The following EML5 variants were observed in gnomAD, a reference collection of about 807,000 sequenced individuals.
The protein encoded by EML5 is echinoderm microtubule-associated protein-like 5.
In EML5, 120 loss-of-function variants were observed where a neutral mutation model predicts 250.0. The ratio of observed to expected loss-of-function variants is 0.48; its 90% CI spans 0.41 to 0.56. The LOEUF (loss-of-function observed/expected upper bound fraction) is 0.56. Ranked by LOEUF, EML5 falls within the 20% of genes least tolerant of loss-of-function variation. The probability of loss-of-function intolerance (pLI) is 0.00; values close to 1 mark genes in which losing one functional copy is unlikely to be tolerated. For missense variants in EML5, 2,006 were observed against 2,437.6 expected, an observed-to-expected ratio of 0.82 and a Z score of 3.73; for synonymous variants, 771 against 806.5, an observed-to-expected ratio of 0.96 and a Z score of 0.75.
chr14:88,744,408 G>A (rs1048841953), intron 3 of EML5, among the ~76,000 whole-genome samples: 2 of 151,958 alleles, frequency 1.3e-5, no homozygotes, highest in Non-Finnish European at 1.5e-5. Flanking sequence ...GACACGAAGG[G>A]AGGTGCTTGC....
intron 34 of EML5, 146 bp from the exon 35 acceptor site, chr14:88,627,192 G>A (rs2090045841): frequency 2.9e-6 from 2 of 700,478 alleles, no homozygotes; most frequent in African/African-American, 3.6e-5. Flanking sequence ...AGCAATACAT[G>A]ATTTACAATT....
At chr14:88,706,210 T>C (rs747689603) in intron 11 of EML5, 49 bp downstream of exon 11, 2 of 1,490,998 alleles carry the variant, frequency 1.3e-6, no homozygotes, top group Admixed American at 2.4e-5. Context: ...TGGGGGTTAC[T>C]GAAGAATTAT....
At chr14:88,754,393 T>G in intron 2 of EML5, 119 bp downstream of exon 2, 1 of 949,850 alleles carries the variant, frequency 1.1e-6, no homozygotes, top group East Asian at 3.0e-5. Flanking sequence ...CCTACCCACC[T>G]CCACCTTTGG....
intron 8 of EML5, among the ~76,000 whole-genome samples, chr14:88,722,220 T>C (rs2093601646): frequency 6.6e-6 from 1 of 152,176 alleles, no homozygotes; most frequent in Admixed American, 6.5e-5. Context: ...TCCTCAAAGA[T>C]CTAGAACCAG....
intron 21 of EML5, among the ~76,000 whole-genome samples, chr14:88,667,120 C>T (rs1321870741): frequency 2.0e-5 from 3 of 152,056 alleles, no homozygotes; most frequent in Non-Finnish European, 4.4e-5. Flanking sequence ...GGAGGAACCA[C>T]CAGTGCTTAG....
rs2094623618 is a variant in EML5 at position 88,792,792 on chromosome 14, C to T, written c.-289G>A. On this transcript the variant is annotated 5_prime_UTR_variant, in exon 1 of 44. Transcript: ENST00000554922. This position sits in a 1 kb window ranked among gnomAD's most constrained non-coding sequence, Gnocchi z 6.9. The stretch of plus-strand genomic sequence containing the variant: ...CTCGGCTCGCCTAGTCTCCTCAGCC[C>T]GTAGCGCCTGGGCCGAGAGCGAGGG... 6.0e-6 allele frequency: 6 copies of T among 1,002,234 alleles called. No individual in the cohort carries two copies. The South Asian group carries it at 1.4e-4, about 24-fold the overall frequency. 62.1% of individuals were successfully genotyped at this position (1,002,234 alleles called of 1,614,324 possible). A position where few individuals can be genotyped will look rare whatever the true frequency, so the allele number is the denominator to read the frequency against.
chr14:88,662,339 GTTTTTTTTTTTTTTTTTT>G (rs71127000), intron 24 of EML5, among the ~76,000 whole-genome samples: 1,924 of 55,746 alleles, frequency 0.035, 93 homozygotes, highest in African/African-American at 0.12. Flanking sequence ...AATTTTTCTT[GTTTTTTTTTTTTTTTTTT>G]TTTTTTTTTA....
intron 1 of EML5, among the ~76,000 whole-genome samples, chr14:88,769,086 C>A (rs948148601): frequency 6.6e-6 from 1 of 152,210 alleles, no homozygotes; most frequent in Non-Finnish European, 1.5e-5. Context: ...AATATAGGAA[C>A]TGATATATAG....
intron 4 of EML5, among the ~76,000 whole-genome samples, chr14:88,741,501 A>C (rs1276308041): frequency 6.6e-6 from 1 of 152,194 alleles, no homozygotes; most frequent in Non-Finnish European, 1.5e-5. Context: ...TATTAGGTGG[A>C]ATTAGGTAAA....
rs777988179 is a variant in EML5, at chr14:88,646,934, AAG to A, written c.4028+11_4028+12del. On this transcript the variant is annotated intron_variant, in intron 29 of 43. Transcript: ENST00000554922. Reference sequence around the variant, plus strand: ...AAAGTTAGGCTTTGTAAACACAGCAAAGAGAGGATTACCTGGAACCTCTTTTC... The same window carrying A: ...AAAGTTAGGCTTTGTAAACACAGCAAAGAGGATTACCTGGAACCTCTTTTC... 7.5e-6 allele frequency: 12 copies of A among 1,592,070 alleles called. No homozygotes were observed. Among genetic ancestry groups the A allele is most frequent in the African/African-American group, 1.3e-5 (1 of 74,422 alleles).
At chr14:88,708,692 A>C (rs1456472164) in intron 10 of EML5, among the ~76,000 whole-genome samples, 1 of 152,158 alleles carries the variant, frequency 6.6e-6, no homozygotes, top group Non-Finnish European at 1.5e-5. Flanking sequence ...TCAAAAGACT[A>C]GTGCTTGAGC....
At chr14:88,652,494 T>C (rs1444432487) in intron 27 of EML5, among the ~76,000 whole-genome samples, 1 of 152,184 alleles carries the variant, frequency 6.6e-6, no homozygotes, top group Non-Finnish European at 1.5e-5. Flanking sequence ...AGCTTTCCTG[T>C]AGTCATTTCT....
intron 2 of EML5, among the ~76,000 whole-genome samples, chr14:88,747,888 A>C (rs914209671): frequency 2.0e-5 from 3 of 149,538 alleles, no homozygotes; most frequent in Non-Finnish European, 4.5e-5. Flanking sequence ...ACCCTCCCCG[A>C]CCCACCCCTG....
rs2093092158 is a variant in EML5 at position 88,696,879 on chromosome 14, TGGTGGCCCTTTAATATG to T, written c.2295_2311del (p.Ile766ProfsTer5). 6.2e-7 allele frequency: 1 copy of T among 1,610,130 alleles called. No homozygotes were observed. The highest frequency in any genetic ancestry group is 1.7e-5 in the Admixed American group (1 of 59,644). ...ATCAACGGCACTAACACCATACTGGTGGTGGCCCTTTAATATGGACAATGGTTTAATGGTCTCTGTAT... is the reference window on the plus strand; with the variant it reads ...ATCAACGGCACTAACACCATACTGGTGACAATGGTTTAATGGTCTCTGTAT... On this transcript the variant is annotated frameshift_variant, in exon 15 of 44. Coordinates refer to ENST00000554922, the MANE Select transcript of EML5 (RefSeq NM_183387.3). LOFTEE classifies it high-confidence loss of function.
intron 8 of EML5, among the ~76,000 whole-genome samples, chr14:88,718,400 A>G (rs979351812): frequency 6.6e-6 from 1 of 152,186 alleles, no homozygotes; most frequent in African/African-American, 2.4e-5. Context: ...GAGGACCTCT[A>G]ATATTTACTT....
chr14:88,784,976 C>T (rs577196605), intron 1 of EML5, among the ~76,000 whole-genome samples: 2 of 152,144 alleles, frequency 1.3e-5, no homozygotes, highest in East Asian at 1.9e-4. Context: ...ATAAAGAAAA[C>T]GTGGTATATA....
rs761571434 is a variant in EML5 at position 88,681,967 on chromosome 14, A to G, written c.3047T>C (p.Val1016Ala). 6.2e-7 allele frequency: 1 copy of G among 1,613,660 alleles called. No individual in the cohort carries two copies. Among genetic ancestry groups the G allele is most frequent in the Non-Finnish European group, 8.5e-7 (1 of 1,179,760 alleles). ...TATTCTTAAGGTTTTATCATCGCTT[A>G]CAGTAGCACAGATGGGCAGATAAGG... is the stretch of plus-strand genomic sequence containing the variant. ...THPYLPICAT[V>A]SDDKTLRIWD... The change falls in exon 21 of 44, where the codon GTA (valine) becomes GCA (alanine). Residue 1016 changes from valine (V) to alanine (A), a missense_variant. Coordinates refer to ENST00000554922, the MANE Select transcript of EML5 (RefSeq NM_183387.3).
At chr14:88,712,187 C>G in intron 10 of EML5, 84 bp downstream of exon 10, 1 of 935,458 alleles carries the variant, frequency 1.1e-6, no homozygotes, top group Non-Finnish European at 1.6e-6. Flanking sequence ...ATATGAAATC[C>G]TTTATCTCAA....
intron 7 of EML5, among the ~76,000 whole-genome samples, chr14:88,732,760 T>C (rs1386928735): frequency 6.6e-6 from 1 of 152,200 alleles, no homozygotes; most frequent in Non-Finnish European, 1.5e-5. Flanking sequence ...AGTTTTGTTG[T>C]GATTTTCTGA....
Sources: allele counts gnomAD v4.1 joint callset (sites outside exome capture counted in the v4.1 genomes callset), GRCh38; gene constraint gnomAD v4.1.1; non-coding constraint Gnocchi (gnomAD v3.1); transcripts MANE v1.5; gene names NCBI Gene and HGNC (gene_info 2026-07-23, HGNC 2026-07-21).